The following PDE10A variants were observed in gnomAD, a reference collection of about 807,000 sequenced individuals.
PDE10A encodes the protein cAMP and cAMP-inhibited cGMP 3',5'-cyclic phosphodiesterase 10A.
PDE10A carries 39 observed loss-of-function variants against 97.7 expected under a neutral mutation model. The ratio of observed to expected loss-of-function variants is 0.40; its 90% confidence interval spans 0.31 to 0.52. The LOEUF (loss-of-function observed/expected upper bound fraction) is 0.52. Among genes scored for constraint, PDE10A ranks in the 20% least tolerant of loss-of-function variants. The pLI is 0.56. For synonymous variants in PDE10A, 371 were observed against 376.8 expected, an observed-to-expected ratio of 0.98 and a Z score of 0.18; for missense variants, 731 against 1,047.8, an observed-to-expected ratio of 0.70 and a Z score of 4.17.
chr6:165,628,794 ACTAAT>A (rs1414249726), intron 1 of PDE10A, among the ~76,000 whole-genome samples: 1 of 152,224 alleles, frequency 6.6e-6, no homozygotes, highest in Non-Finnish European at 1.5e-5. Flanking sequence ...TTCACTATAC[ACTAAT>A]CTAAACCTCC....
intron 5 of PDE10A, among the ~76,000 whole-genome samples, chr6:165,440,117 T>C (rs1790326781): frequency 6.6e-6 from 1 of 152,214 alleles, no homozygotes; most frequent in South Asian, 2.1e-4. Context: ...TAGATGGCAC[T>C]GGATAGTAAA....
intron 2 of PDE10A, among the ~76,000 whole-genome samples, chr6:165,503,532 C>G (rs1176011160): frequency 6.6e-6 from 1 of 152,162 alleles, no homozygotes; most frequent in Admixed American, 6.5e-5. Context: ...CAAGAAATAA[C>G]AGGCCTTGGA....
At chr6:165,738,172 CCCA>C (rs1792628751) in intron 1 of PDE10A, among the ~76,000 whole-genome samples, 1 of 120,562 alleles carries the variant, frequency 8.3e-6, no homozygotes, top group South Asian at 3.3e-4. Flanking sequence ...CTCCCCCCAC[CCCA>C]CAACAGTCCC....
chr6:165,672,910 A>G (rs1232507217), intron 1 of PDE10A, among the ~76,000 whole-genome samples: 1 of 152,226 alleles, frequency 6.6e-6, no homozygotes, highest in Admixed American at 6.5e-5. Flanking sequence ...TTGAACCATC[A>G]TAAGTTGGGA....
At chr6:165,579,411 A>G (rs977369544) in intron 1 of PDE10A, among the ~76,000 whole-genome samples, 6 of 152,200 alleles carry the variant, frequency 3.9e-5, no homozygotes, top group African/African-American at 1.4e-4. Flanking sequence ...GACCAGTTAC[A>G]TGCACAAGAT....
At chr6:165,979,477 T>G (rs1159251980) in intron 1 of PDE10A, among the ~76,000 whole-genome samples, 1 of 152,258 alleles carries the variant, frequency 6.6e-6, no homozygotes, top group Non-Finnish European at 1.5e-5. Context: ...CTTTCACAAC[T>G]GAATATAAAT....
rs1374563921 is a variant in PDE10A at position 165,332,806 on chromosome 6, G to A, written c.*219C>T. On this transcript the variant is annotated 3_prime_UTR_variant, in exon 22 of 22. Coordinates refer to ENST00000539869, the MANE Select transcript of PDE10A (RefSeq NM_001385079.1). ...ACTTGGCCAGCTGATTTCTGAACGT[G>A]GGGGTGGTCCTGGTTGCTCAGTGTC... The A allele has an allele frequency of 4.1e-6, 2 of 488,466 alleles. No homozygotes were observed. Among genetic ancestry groups the A allele is most frequent in the African/African-American group, 4.0e-5 (2 of 50,028 alleles). 30.3% of individuals were successfully genotyped at this position (488,466 alleles called of 1,614,324 possible).
intron 1 of PDE10A, among the ~76,000 whole-genome samples, chr6:165,699,384 C>T (rs1197057431): frequency 2.6e-5 from 4 of 152,028 alleles, no homozygotes; most frequent in Non-Finnish European, 5.9e-5. Flanking sequence ...GAAAATTCAA[C>T]AAAAATATGC....
chr6:165,732,573 AT>A (rs1792465257), intron 1 of PDE10A, among the ~76,000 whole-genome samples: 1 of 152,156 alleles, frequency 6.6e-6, no homozygotes, highest in African/African-American at 2.4e-5. Context: ...CATCCACCCT[AT>A]TGAGTGAGCA....
rs1057425546 is a variant in PDE10A at position 165,619,599 on chromosome 6, G to A, written c.865+42348C>T. Reference sequence around the variant, plus strand: ...CTAGCGTAGTGTACTGTAGTCTAGCGTAGTGCACTGTAGTCTAGTGTACTG... The same window carrying A: ...CTAGCGTAGTGTACTGTAGTCTAGCATAGTGCACTGTAGTCTAGTGTACTG... On this transcript the variant is annotated intron_variant, in intron 1 of 21. Transcript: ENST00000539869. Among the ~76,000 whole-genome samples the A allele has an allele frequency of 7.3e-5, 11 of 151,566 alleles. No homozygotes were observed. In the South Asian group the frequency reaches 1.5e-3, roughly 20 times the overall value.
chr6:165,951,899 G>C (rs1783975088), intron 1 of PDE10A, among the ~76,000 whole-genome samples: 1 of 152,218 alleles, frequency 6.6e-6, no homozygotes, highest in Non-Finnish European at 1.5e-5. Flanking sequence ...CTAAAAACTA[G>C]CCAAAACTCT....
intron 1 of PDE10A, among the ~76,000 whole-genome samples, chr6:165,805,831 C>T (rs1779121322): frequency 6.6e-6 from 1 of 151,684 alleles, no homozygotes; most frequent in Non-Finnish European, 1.5e-5. Context: ...AGGAGCCGGG[C>T]TGATGGATCT....
intron 17 of PDE10A, among the ~76,000 whole-genome samples, chr6:165,380,265 C>T (rs1055026839): frequency 8.5e-5 from 13 of 152,134 alleles, no homozygotes; most frequent in African/African-American, 2.9e-4. Context: ...TAGTACTACT[C>T]TAAGTTGATT....
chr6:165,549,604 G>A lies in PDE10A; in HGVS notation c.866-6036C>T, dbSNP rs150130568. Among the ~76,000 whole-genome samples the A allele has an allele frequency of 5.5e-3, 842 of 152,276 alleles. 13 individuals carry two copies. The highest frequency in any genetic ancestry group is 0.019 in the African/African-American group (804 of 41,562). ...CTCCCGAAGTGCTGGGATCACAGACGTGAGCCACCATGCGCGGCTGCATTA... is the reference window on the plus strand; with the variant it reads ...CTCCCGAAGTGCTGGGATCACAGACATGAGCCACCATGCGCGGCTGCATTA... On this transcript the variant is annotated intron_variant, in intron 1 of 21. Coordinates refer to ENST00000539869, the MANE Select transcript of PDE10A (RefSeq NM_001385079.1).
At chr6:165,346,467 G>A (rs759196438) in intron 18 of PDE10A, among the ~76,000 whole-genome samples, 12 of 152,110 alleles carry the variant, frequency 7.9e-5, no homozygotes, top group Non-Finnish European at 1.6e-4. Context: ...AGATCAAGTG[G>A]AGCAGATAAA....
Position 165,339,361 on chromosome 6 carries a change from A to G in PDE10A, c.2896-3T>C, listed in dbSNP as rs546740564. The G allele has an allele frequency of 1.6e-5, 24 of 1,533,334 alleles. No homozygotes were observed. The South Asian group carries it at 2.1e-4, about 14-fold the overall frequency. The allele number at this position is 1,533,334 out of a possible 1,614,324, so 95.0% of individuals were successfully genotyped here. A position where few individuals can be genotyped will look rare whatever the true frequency, so the allele number is the denominator to read the frequency against. The stretch of plus-strand genomic sequence containing the variant: ...CCCAATTTCTTCATTTCATCACCCT[A>G]AGATGAATGGGGAGAAAATCATGCT... On this transcript the variant is annotated splice_polypyrimidine_tract_variant and splice_region_variant and intron_variant, in intron 19 of 21. Coordinates refer to ENST00000539869, the MANE Select transcript of PDE10A (RefSeq NM_001385079.1).
intron 3 of PDE10A, among the ~76,000 whole-genome samples, chr6:165,467,329 G>A (rs1369364673): frequency 5.9e-5 from 9 of 152,180 alleles, no homozygotes; most frequent in Admixed American, 2.0e-4. Context: ...CAAAGCAGAC[G>A]AAACATTCTT....
intron 13 of PDE10A, among the ~76,000 whole-genome samples, chr6:165,398,497 CTCA>C (rs57405462): frequency 0.25 from 34,777 of 136,508 alleles, 4,896 homozygotes; most frequent in African/African-American, 0.42. Context: ...CTCTCTCTCT[CTCA>C]AAAAAAAAAA....
intron 1 of PDE10A, among the ~76,000 whole-genome samples, chr6:165,566,555 A>G (rs998177008): frequency 6.6e-6 from 1 of 152,192 alleles, no homozygotes; most frequent in Non-Finnish European, 1.5e-5. Context: ...TGAACGCCAG[A>G]AAACATAGGA....
Sources: allele counts gnomAD v4.1 joint callset (sites outside exome capture counted in the v4.1 genomes callset), GRCh38; gene constraint gnomAD v4.1.1; transcripts MANE v1.5; gene names NCBI Gene and HGNC (gene_info 2026-07-23, HGNC 2026-07-21).